Variants in TDRP observed in about 807,000 individuals in gnomAD.
TDRP encodes the protein testis development related protein.
TDRP carries 12 observed loss-of-function variants against 10.5 expected under a neutral mutation model. The ratio of observed to expected loss-of-function variants is 1.15; its 90% CI spans 0.73 to 1.86. The LOEUF is 1.86. Ranked by LOEUF, TDRP falls within the 40% of genes most tolerant of loss-of-function variation. The pLI is 0.00. For synonymous variants in TDRP, 139 were observed against 95.4 expected, an observed-to-expected ratio of 1.46 and a Z score of -2.67; for missense variants, 353 against 229.2, an observed-to-expected ratio of 1.54 and a Z score of -3.49.
At chr8:531,210 C>G (rs1356736001) in intron 1 of TDRP, among the ~76,000 whole-genome samples, 1 of 152,042 alleles carries the variant, frequency 6.6e-6, no homozygotes, top group East Asian at 1.9e-4. Context: ...CTGTTCTTGG[C>G]TTTGAGCTTG....
intron 1 of TDRP, among the ~76,000 whole-genome samples, chr8:520,100 G>A (rs763497543): frequency 1.3e-5 from 2 of 152,216 alleles, no homozygotes; most frequent in Non-Finnish European, 2.9e-5. Context: ...ATATCCTGTG[G>A]TTGGGGAGAA....
intron 1 of TDRP, among the ~76,000 whole-genome samples, chr8:538,338 G>T (rs372560401): frequency 2.6e-5 from 4 of 152,190 alleles, no homozygotes; most frequent in Admixed American, 2.6e-4. Flanking sequence ...ACTGAGGCTG[G>T]GAAGGACAAA....
At chr8:503,320 C>G (rs1175721783) in intron 1 of TDRP, among the ~76,000 whole-genome samples, 1 of 151,570 alleles carries the variant, frequency 6.6e-6, no homozygotes, top group Non-Finnish European at 1.5e-5. Flanking sequence ...TGCAGAGTCA[C>G]ACACTGGAAC....
chr8:545,397 C>T (rs117278497), upstream of TDRP, among the ~76,000 whole-genome samples: 9,288 of 143,512 alleles, frequency 0.065, 389 homozygotes, highest in Middle Eastern at 0.11. Flanking sequence ...TCCCCTCTCC[C>T]GGTTCTCTCC....
chr8:523,163 T>C (rs571210918), intron 1 of TDRP, among the ~76,000 whole-genome samples: 2 of 152,316 alleles, frequency 1.3e-5, no homozygotes, highest in Admixed American at 6.5e-5. Flanking sequence ...TTTTCTTTTC[T>C]GTATCCCCTA....
chr8:525,168 A>G (rs7844311), intron 1 of TDRP, among the ~76,000 whole-genome samples: 10,532 of 152,192 alleles, frequency 0.069, 495 homozygotes, highest in African/African-American at 0.14. Flanking sequence ...GGCATGACAT[A>G]ATTAAAGTGC....
chr8:540,710 TATTTTAGTAATAGTTAAGTGTCCCATAA>T (rs1802469593), intron 1 of TDRP, among the ~76,000 whole-genome samples: 1 of 151,810 alleles, frequency 6.6e-6, no homozygotes. Context: ...ATGTTAAAAT[TATTTTAGTAATAGTTAAGTGTCCCATAA>T]ATCTAAGTAA....
chr8:497,853 C>A (rs1801177235), intron 1 of TDRP, among the ~76,000 whole-genome samples: 2 of 152,196 alleles, frequency 1.3e-5, no homozygotes, highest in Non-Finnish European at 2.9e-5. Context: ...CGCTCCACCT[C>A]CCGCAGTGGC....
chr8:527,550 A>T (rs1465148115), intron 1 of TDRP, among the ~76,000 whole-genome samples: 1 of 152,206 alleles, frequency 6.6e-6, no homozygotes, highest in Admixed American at 6.5e-5. Flanking sequence ...GAACTGGCAC[A>T]AAAAGACACA....
At chr8:522,198 C>T (rs1038479454) in intron 1 of TDRP, among the ~76,000 whole-genome samples, 1 of 152,168 alleles carries the variant, frequency 6.6e-6, no homozygotes, top group Admixed American at 6.5e-5. Context: ...ATCCTCTAAA[C>T]GTTTATGTCA....
chr8:502,734 C>G (rs966173585), intron 1 of TDRP, among the ~76,000 whole-genome samples: 1 of 151,536 alleles, frequency 6.6e-6, no homozygotes, highest in African/African-American at 2.4e-5. Flanking sequence ...AATCCAGAGC[C>G]ACACAATGGA....
intron 1 of TDRP, among the ~76,000 whole-genome samples, chr8:537,014 G>A (rs1457822753): frequency 1.3e-5 from 2 of 152,158 alleles, no homozygotes; most frequent in Non-Finnish European, 2.9e-5. Flanking sequence ...GAAAGAATCT[G>A]CATCAAGATC....
intron 1 of TDRP, among the ~76,000 whole-genome samples, chr8:514,631 C>A (rs1335086812): frequency 6.6e-6 from 1 of 152,204 alleles, no homozygotes; most frequent in Non-Finnish European, 1.5e-5. Context: ...CACCCTGTGA[C>A]TGCCGGATCC....
chr8:510,073 G>A (rs1299178943), intron 1 of TDRP, among the ~76,000 whole-genome samples: 1 of 152,146 alleles, frequency 6.6e-6, no homozygotes, highest in African/African-American at 2.4e-5. Flanking sequence ...ACTCCCCAGG[G>A]AATCAGGGTG....
At chr8:497,371 T>TGC (rs979317007) in intron 1 of TDRP, among the ~76,000 whole-genome samples, 2 of 152,234 alleles carry the variant, frequency 1.3e-5, no homozygotes, top group African/African-American at 4.8e-5. Context: ...GGTGGCATTT[T>TGC]GCCCCTGCCC....
intron 1 of TDRP, among the ~76,000 whole-genome samples, chr8:542,941 T>A (rs1248112615): frequency 6.6e-6 from 1 of 150,806 alleles, no homozygotes; most frequent in Non-Finnish European, 1.5e-5. Flanking sequence ...CTGCCAGCAA[T>A]TGAATCTAGC....
At position 492,390 on chromosome 8, in the gene TDRP, C is replaced by T. The variant is rs761445750; in HGVS notation, c.*9G>A. The T allele has an allele frequency of 3.1e-5, 47 of 1,503,974 alleles. No individual in the cohort carries two copies. The highest frequency in any genetic ancestry group is 8.9e-6 in the Non-Finnish European group (10 of 1,124,748). The allele number at this position is 1,503,974 out of a possible 1,614,324, so 93.2% of individuals were successfully genotyped here. A position where few individuals can be genotyped will look rare whatever the true frequency, so the allele number is the denominator to read the frequency against. On this transcript the variant is annotated 3_prime_UTR_variant, in exon 3 of 3. Transcript: ENST00000324079. ...ACCATGTCGGGGCACACTTGCCACGCAGCCCCCCTCACTCCGCCTCCTCCG... is the reference window on the plus strand; with the variant it reads ...ACCATGTCGGGGCACACTTGCCACGTAGCCCCCCTCACTCCGCCTCCTCCG...
In TDRP at chr8:492,541, T is replaced by C. The variant is rs751215919; in HGVS notation, c.416A>G (p.Asp139Gly). Residue 139 changes from aspartate (D) to glycine (G), a missense_variant, in exon 3 of 3, where the codon GAC becomes GGC. Asp to Gly is a moderately conservative substitution (Grantham distance 94, BLOSUM62 -1). Coordinates refer to ENST00000324079, the MANE Select transcript of TDRP (RefSeq NM_001384899.1). ...GHPSWSGWED[D>G]AKGSTKYTSL... ...GGTGTACTTGGTCGAGCCCTTGGCGTCATCCTCCCAGCCTGACCAGGATGG... is the reference window on the plus strand; with the variant it reads ...GGTGTACTTGGTCGAGCCCTTGGCGCCATCCTCCCAGCCTGACCAGGATGG... 6.2e-7 allele frequency: 1 copy of C among 1,611,734 alleles called. No homozygotes were observed. The highest frequency in any genetic ancestry group is 8.5e-7 in the Non-Finnish European group (1 of 1,178,754).
intron 1 of TDRP, among the ~76,000 whole-genome samples, chr8:512,411 A>T (rs189203255): frequency 2.0e-4 from 31 of 152,128 alleles, no homozygotes; most frequent in Admixed American, 6.5e-4. Context: ...CCAGCCTGGC[A>T]ACAGAGCAAG....
Sources: allele counts gnomAD v4.1 joint callset (sites outside exome capture counted in the v4.1 genomes callset), GRCh38; gene constraint gnomAD v4.1.1; transcripts MANE v1.5; gene names NCBI Gene and HGNC (gene_info 2026-07-23, HGNC 2026-07-21).